The following NEDD4 variants were observed in gnomAD, a reference collection of about 807,000 sequenced individuals.
NEDD4 encodes E3 ubiquitin-protein ligase NEDD4.
NEDD4 carries 99 observed loss-of-function variants against 144.9 expected under a neutral mutation model. The observed-to-expected ratio is 0.68, with a 90% CI of 0.58 to 0.81. The LOEUF (loss-of-function observed/expected upper bound fraction) is 0.81. Among genes scored for constraint, NEDD4 ranks in the 30% least tolerant of loss-of-function variants. NEDD4 has a pLI of 0.00. For missense variants in NEDD4, 985 were observed against 1,065.9 expected, an observed-to-expected ratio of 0.92 and a Z score of 1.06; for synonymous variants, 318 against 350.6, an observed-to-expected ratio of 0.91 and a Z score of 1.04.
At position 55,939,948 on chromosome 15, in the gene NEDD4, A is replaced by C. The variant is rs1278746612; in HGVS notation, c.237+11428T>G. 4.6e-5 allele frequency among the ~76,000 whole-genome samples: 7 copies of C among 152,208 alleles called. No homozygotes were observed. The East Asian group carries it at 1.3e-3, about 29-fold the overall frequency. ...ATTACAGCATTATTCACAGTAGCCA[A>C]GATATGGAAATAATCTAAATACCCA... On this transcript the variant is annotated intron_variant, in intron 4 of 28. Coordinates refer to ENST00000435532, the MANE Select transcript of NEDD4 (RefSeq NM_006154.4).
chr15:55,848,125 C>T (rs1422403394), intron 17 of NEDD4, among the ~76,000 whole-genome samples: 13 of 152,246 alleles, frequency 8.5e-5, no homozygotes, highest in African/African-American at 3.1e-4. Flanking sequence ...CTCAGCAGCC[C>T]ACACTGCCTT....
chr15:55,965,734 C>T (rs2037501511), intron 2 of NEDD4, among the ~76,000 whole-genome samples: 1 of 152,066 alleles, frequency 6.6e-6, no homozygotes, highest in Admixed American at 6.6e-5. Flanking sequence ...CAGAGGCTCA[C>T]TCTGTTGCCC....
intron 4 of NEDD4, among the ~76,000 whole-genome samples, chr15:55,939,937 C>A (rs182617887): frequency 6.6e-6 from 1 of 152,248 alleles, no homozygotes; most frequent in Non-Finnish European, 1.5e-5. Flanking sequence ...CAGCATTATT[C>A]ACAGTAGCCA....
chr15:55,927,077 C>CAAAAAAAAAAAA (rs57940091), intron 4 of NEDD4, among the ~76,000 whole-genome samples: 5 of 70,666 alleles, frequency 7.1e-5, no homozygotes, highest in South Asian at 5.6e-4. Flanking sequence ...GACTACGTCT[C>CAAAAAAAAAAAA]AAAAAAAAAA....
chr15:55,894,301 G>A (rs2035669675), intron 5 of NEDD4, among the ~76,000 whole-genome samples: 1 of 152,138 alleles, frequency 6.6e-6, no homozygotes, highest in Admixed American at 6.5e-5. Flanking sequence ...TATTTACATA[G>A]TGTTTACACT....
At chr15:55,956,132 GT>G (rs1469511619) in intron 2 of NEDD4, among the ~76,000 whole-genome samples, 9 of 151,912 alleles carry the variant, frequency 5.9e-5, no homozygotes, top group Non-Finnish European at 1.3e-4. Context: ...TTTTTTTTAT[GT>G]TTTTAATTTT....
intron 5 of NEDD4, among the ~76,000 whole-genome samples, chr15:55,910,452 T>A (rs767344747): frequency 1.2e-4 from 18 of 152,130 alleles, no homozygotes; most frequent in Non-Finnish European, 2.2e-4. Flanking sequence ...CATGCCTCCA[T>A]GCTCTCTTGG....
At chr15:55,904,496 T>C (rs2142167005) in intron 5 of NEDD4, among the ~76,000 whole-genome samples, 1 of 151,848 alleles carries the variant, frequency 6.6e-6, no homozygotes, top group Non-Finnish European at 1.5e-5. Context: ...AGAGACGAGG[T>C]TTTACCATGC....
chr15:55,983,055 G>A (rs559906374), intron 1 of NEDD4, among the ~76,000 whole-genome samples: 25 of 152,222 alleles, frequency 1.6e-4, no homozygotes, highest in African/African-American at 5.8e-4. Context: ...CCAGAAGGCA[G>A]AGGTTGCAGT....
chr15:55,928,219 C>T (rs2036712205), intron 4 of NEDD4, among the ~76,000 whole-genome samples: 1 of 152,156 alleles, frequency 6.6e-6, no homozygotes, highest in Non-Finnish European at 1.5e-5. Context: ...ACCGTGTTGG[C>T]CAGGCTGGTC....
chr15:55,950,664 G>C (rs1362149111), intron 4 of NEDD4, among the ~76,000 whole-genome samples: 1 of 152,138 alleles, frequency 6.6e-6, no homozygotes, highest in Non-Finnish European at 1.5e-5. Context: ...GAGCGTCCCG[G>C]AGAAGCAGAA....
chr15:55,979,784 C>T (rs1212813171), intron 1 of NEDD4, among the ~76,000 whole-genome samples: 1 of 152,202 alleles, frequency 6.6e-6, no homozygotes, highest in Non-Finnish European at 1.5e-5. Context: ...TTCTCATTGT[C>T]AGAGGCTCAT....
At chr15:55,892,039 G>A (rs768163650) in intron 5 of NEDD4, among the ~76,000 whole-genome samples, 1 of 152,074 alleles carries the variant, frequency 6.6e-6, no homozygotes, top group Non-Finnish European at 1.5e-5. Context: ...GCCAAGGCAG[G>A]TGGATCACCT....
At chr15:55,915,906 T>C in intron 5 of NEDD4, 8 of 1,613,988 alleles carry the variant, frequency 5.0e-6, no homozygotes, top group Non-Finnish European at 6.8e-6. Flanking sequence ...GCCATCCTCA[T>C]TATGTGCAAT....
At chr15:55,865,218 AC>A (rs1341953058) in intron 8 of NEDD4, among the ~76,000 whole-genome samples, 2 of 150,816 alleles carry the variant, frequency 1.3e-5, no homozygotes, top group African/African-American at 4.9e-5. Flanking sequence ...AAAAAAAAAA[AC>A]TTTATAGGAA....
intron 4 of NEDD4, among the ~76,000 whole-genome samples, chr15:55,944,402 G>A (rs1463488146): frequency 2.0e-5 from 3 of 152,194 alleles, no homozygotes; most frequent in Non-Finnish European, 4.4e-5. Context: ...AGCAGTCTGA[G>A]ATCGACCTGC....
intron 2 of NEDD4, chr15:55,952,643 T>G (rs935927824): frequency 6.6e-6 from 1 of 152,274 alleles, no homozygotes; most frequent in Non-Finnish European, 1.5e-5. Flanking sequence ...TTTATCAGAA[T>G]CCATCCTTAC....
At chr15:55,980,188 C>T (rs1184827852) in intron 1 of NEDD4, among the ~76,000 whole-genome samples, 1 of 152,188 alleles carries the variant, frequency 6.6e-6, no homozygotes, top group Non-Finnish European at 1.5e-5. Context: ...TGCCTTTGGC[C>T]TCCCACAGTG....
intron 1 of NEDD4, among the ~76,000 whole-genome samples, chr15:55,982,633 G>A (rs2037822783): frequency 1.3e-5 from 2 of 152,158 alleles, no homozygotes; most frequent in Admixed American, 6.5e-5. Flanking sequence ...GGAATGATGG[G>A]AATATTCTGT....
Sources: gnomAD v4.1 joint callset for allele counts (sites outside exome capture counted in the v4.1 genomes callset) on GRCh38, gnomAD v4.1.1 for gene constraint, MANE v1.5 for transcripts, NCBI Gene and HGNC (gene_info 2026-07-23, HGNC 2026-07-21) for gene names.